Variants in KIF16B observed in about 807,000 individuals in gnomAD.
KIF16B encodes kinesin-like protein KIF16B.
A neutral mutation model predicts 156.3 loss-of-function variants in KIF16B; 98 were observed. The ratio of observed to expected loss-of-function variants is 0.63; its 90% confidence interval spans 0.53 to 0.74. The LOEUF (loss-of-function observed/expected upper bound fraction) is 0.74. KIF16B is among the 30% of genes least tolerant of loss of function. The pLI, the probability that KIF16B is intolerant of heterozygous loss-of-function variation, is 0.00. For synonymous variants in KIF16B, 564 were observed against 583.7 expected (o/e 0.97, Z 0.49); for missense variants, 1,421 against 1,606.5 (o/e 0.88, Z 1.97).
At chr20:16,366,871 C>A in intron 22 of KIF16B, 2 of 1,165,270 alleles carry the variant, frequency 1.7e-6, no homozygotes, top group African/African-American at 3.2e-5. Context: ...AATCACCTCA[C>A]AAATAATGAA....
chr20:16,518,032 G>A (rs764285625), intron 3 of KIF16B, among the ~76,000 whole-genome samples: 2 of 152,094 alleles, frequency 1.3e-5, no homozygotes, highest in African/African-American at 2.4e-5. Context: ...GTTAACCCAG[G>A]CGGTTTTCCG....
chr20:16,552,561 A>T (rs1296210669), intron 1 of KIF16B, among the ~76,000 whole-genome samples: 21 of 151,984 alleles, frequency 1.4e-4, no homozygotes, highest in Non-Finnish European at 4.4e-5. Flanking sequence ...ACCCCCCACC[A>T]TGGGCTTCCA....
At chr20:16,469,933 G>A (rs2067612527) in intron 12 of KIF16B, among the ~76,000 whole-genome samples, 1 of 151,936 alleles carries the variant, frequency 6.6e-6, no homozygotes, top group Non-Finnish European at 1.5e-5. Context: ...AAAAGCAGGT[G>A]AACGGATTAA....
intron 12 of KIF16B, among the ~76,000 whole-genome samples, chr20:16,431,538 CCTT>C (rs1304240039): frequency 2.6e-5 from 4 of 152,114 alleles, no homozygotes; most frequent in African/African-American, 9.7e-5. Context: ...TCACTGCTAT[CCTT>C]CTCTTCCCCT....
chr20:16,510,431 C>G (rs1476554966), intron 6 of KIF16B, among the ~76,000 whole-genome samples: 2 of 152,144 alleles, frequency 1.3e-5, no homozygotes, highest in Admixed American at 1.3e-4. Context: ...GCAGGTGGAT[C>G]ATGAGGTCAG....
intron 24 of KIF16B, among the ~76,000 whole-genome samples, chr20:16,318,082 A>AG (rs1269754877): frequency 3.3e-5 from 5 of 152,044 alleles, no homozygotes; most frequent in Non-Finnish European, 5.9e-5. Flanking sequence ...CGCATGCCAT[A>AG]GCTGCCCTCC....
chr20:16,551,659 C>T (rs1244785075), intron 1 of KIF16B, among the ~76,000 whole-genome samples: 1 of 152,224 alleles, frequency 6.6e-6, no homozygotes, highest in East Asian at 1.9e-4. Context: ...TACACTACCA[C>T]AGTTTGCAGA....
chr20:16,510,134 G>T (rs111614908), intron 6 of KIF16B, among the ~76,000 whole-genome samples: 66 of 152,118 alleles, frequency 4.3e-4, no homozygotes, highest in African/African-American at 1.6e-3. Flanking sequence ...AAGTATCTAG[G>T]TCAGATTCTG....
intron 19 of KIF16B, 73 bp downstream of exon 19, chr20:16,378,732 A>G: frequency 7.1e-7 from 1 of 1,404,818 alleles, no homozygotes; most frequent in Non-Finnish European, 9.6e-7. Flanking sequence ...AAGGATAAAC[A>G]CAACATGAGG....
intron 1 of KIF16B, among the ~76,000 whole-genome samples, chr20:16,558,758 G>C (rs1346835952): frequency 6.6e-6 from 1 of 152,084 alleles, no homozygotes; most frequent in Non-Finnish European, 1.5e-5. Flanking sequence ...ACAAAATTTA[G>C]CTGGGTGCGG....
intron 12 of KIF16B, among the ~76,000 whole-genome samples, chr20:16,478,526 G>C (rs961282876): frequency 2.6e-5 from 4 of 152,120 alleles, no homozygotes; most frequent in Admixed American, 6.5e-5. Context: ...CAATTCAAAA[G>C]TTTAAAATTC....
At chr20:16,428,368 C>T (rs78355058) in intron 14 of KIF16B, among the ~76,000 whole-genome samples, 3,734 of 152,208 alleles carry the variant, frequency 0.025, 153 homozygotes, top group African/African-American at 0.085. Flanking sequence ...CACATATACA[C>T]ACCCACCACC....
At chr20:16,290,324 T>C (rs2063295833) in intron 25 of KIF16B, among the ~76,000 whole-genome samples, 1 of 152,218 alleles carries the variant, frequency 6.6e-6, no homozygotes, top group Admixed American at 6.5e-5. Context: ...ACTGGATGCA[T>C]CGAGAACACT....
chr20:16,406,510 C>T lies in KIF16B; in HGVS notation c.1613-54G>A, dbSNP rs547189090. 5.2e-5 allele frequency: 73 copies of T among 1,401,156 alleles called. No individual in the cohort carries two copies. The South Asian group carries it at 7.2e-4, about 14-fold the overall frequency. 86.8% of individuals were successfully genotyped at this position (1,401,156 alleles called of 1,614,324 possible). A position where few individuals can be genotyped will look rare whatever the true frequency, so the allele number is the denominator to read the frequency against. Reference sequence around the variant, plus strand: ...TTACAGTAAGCAGTCTGGTCAGTTGCCAATACCATAACATGGAATTCTACT... The same window carrying T: ...TTACAGTAAGCAGTCTGGTCAGTTGTCAATACCATAACATGGAATTCTACT... On this transcript the variant is annotated intron_variant, in intron 15 of 25. Coordinates refer to ENST00000354981, the MANE Select transcript of KIF16B (RefSeq NM_024704.5).
rs758538399 is a variant in KIF16B, at chr20:16,509,704, T to C, written c.557-1604A>G. The stretch of plus-strand genomic sequence containing the variant: ...TACTGATTTATAGGAGCTCTTTATA[T>C]AGTAGGAAAATTAGTCCTTTGTCTA... On this transcript the variant is annotated intron_variant, in intron 6 of 25. Transcript: ENST00000354981. 4.6e-5 allele frequency among the ~76,000 whole-genome samples: 7 copies of C among 152,374 alleles called. No homozygotes were observed. In the East Asian group the frequency reaches 1.3e-3, roughly 29 times the overall value.
At chr20:16,364,756 A>C (rs1349960322) in intron 22 of KIF16B, among the ~76,000 whole-genome samples, 1 of 152,234 alleles carries the variant, frequency 6.6e-6, no homozygotes, top group Non-Finnish European at 1.5e-5. Flanking sequence ...GCTGAATCTG[A>C]ATGCTGCAAG....
At chr20:16,292,480 A>C (rs2063327826) in intron 25 of KIF16B, among the ~76,000 whole-genome samples, 1 of 152,198 alleles carries the variant, frequency 6.6e-6, no homozygotes, top group Admixed American at 6.5e-5. Context: ...GCAACAAAAG[A>C]CAGCATGAGG....
chr20:16,347,270 TTG>T (rs2064251486), intron 23 of KIF16B, among the ~76,000 whole-genome samples: 1 of 152,182 alleles, frequency 6.6e-6, no homozygotes, highest in Non-Finnish European at 1.5e-5. Context: ...TCAAACGATT[TTG>T]TGATTTTAAA....
At chr20:16,558,715 C>A (rs1204770425) in intron 1 of KIF16B, among the ~76,000 whole-genome samples, 1 of 152,090 alleles carries the variant, frequency 6.6e-6, no homozygotes, top group Non-Finnish European at 1.5e-5. Context: ...ACCAGCCTGG[C>A]CAACATGGCA....
Sources: allele counts gnomAD v4.1 joint callset (sites outside exome capture counted in the v4.1 genomes callset), GRCh38; gene constraint gnomAD v4.1.1; transcripts MANE v1.5; gene names NCBI Gene and HGNC (gene_info 2026-07-23, HGNC 2026-07-21).